LGSN: variants seen among roughly 807,000 people sequenced by gnomAD.
LGSN encodes the protein lengsin.
LGSN carries 21 observed loss-of-function variants against 19.5 expected under a neutral mutation model. The observed-to-expected ratio is 1.07, with a 90% CI of 0.76 to 1.55. The LOEUF is 1.55. LGSN is among the 40% of genes most tolerant of loss of function. LGSN has a pLI of 0.00. For missense variants in LGSN, 673 were observed against 608.5 expected, an observed-to-expected ratio of 1.11 and a Z score of -1.12; for synonymous variants, 257 against 215.6, an observed-to-expected ratio of 1.19 and a Z score of -1.68.
chr6:63,547,074 T>C, the LGSN span, among the ~76,000 whole-genome samples: 1 of 152,326 alleles, frequency 6.6e-6, no homozygotes, highest in Middle Eastern at 3.4e-3. Context: ...TATTTGAGCA[T>C]TCTCCTTTCA....
At chr6:63,474,527 T>A in the LGSN span, among the ~76,000 whole-genome samples, 1 of 149,000 alleles carries the variant, frequency 6.7e-6, no homozygotes, top group Non-Finnish European at 1.5e-5. Flanking sequence ...GAGAATGGCA[T>A]GAACCTGGGA....
chr6:63,398,463 A>G, the LGSN span, among the ~76,000 whole-genome samples: 1 of 152,064 alleles, frequency 6.6e-6, no homozygotes. Flanking sequence ...TAAAAAATAC[A>G]TGTAAAAATA....
intron 1 of LGSN, among the ~76,000 whole-genome samples, chr6:63,311,700 A>G (rs1768634543): frequency 6.6e-6 from 1 of 152,224 alleles, no homozygotes; most frequent in African/African-American, 2.4e-5. Flanking sequence ...ATAACAAATT[A>G]GCATGAATTT....
chr6:63,482,826 G>A, the LGSN span, among the ~76,000 whole-genome samples: 5 of 152,172 alleles, frequency 3.3e-5, no homozygotes, highest in South Asian at 2.1e-4. Flanking sequence ...TTAGCCTTCC[G>A]AATAGCTGGG....
At chr6:63,329,575 T>A in the LGSN span, among the ~76,000 whole-genome samples, 1 of 152,206 alleles carries the variant, frequency 6.6e-6, no homozygotes, top group South Asian at 2.1e-4. Flanking sequence ...CTTCAGACCT[T>A]AAGGGATATT....
At chr6:63,423,802 C>T in the LGSN span, among the ~76,000 whole-genome samples, 1 of 152,086 alleles carries the variant, frequency 6.6e-6, no homozygotes, top group African/African-American at 2.4e-5. Context: ...CTTTGGGGGG[C>T]CGAGTCAGGC....
At chr6:63,501,357 C>T in the LGSN span, among the ~76,000 whole-genome samples, 2 of 116,186 alleles carry the variant, frequency 1.7e-5, no homozygotes, top group South Asian at 2.7e-4. Flanking sequence ...AACAAAACTT[C>T]GTCTCAAAAA....
intron 1 of LGSN, among the ~76,000 whole-genome samples, chr6:63,317,839 CTG>C (rs1023763820): frequency 1.3e-5 from 2 of 152,180 alleles, no homozygotes; most frequent in African/African-American, 4.8e-5. Context: ...AACGTCAGAA[CTG>C]TGTCTACCTG....
chr6:63,312,840 T>C (rs1768684971), intron 1 of LGSN, among the ~76,000 whole-genome samples: 1 of 152,090 alleles, frequency 6.6e-6, no homozygotes, highest in Non-Finnish European at 1.5e-5. Flanking sequence ...TAGCTGGATA[T>C]AGGAAGTGTC....
the LGSN span, among the ~76,000 whole-genome samples, chr6:63,420,982 C>T: frequency 6.6e-6 from 1 of 151,780 alleles, no homozygotes; most frequent in Non-Finnish European, 1.5e-5. Flanking sequence ...TTAAAAAATA[C>T]AGTATTTGAA....
the LGSN span, among the ~76,000 whole-genome samples, chr6:63,415,784 T>C: frequency 3.3e-5 from 5 of 152,226 alleles, no homozygotes; most frequent in Admixed American, 6.5e-5. Flanking sequence ...CTTCATGAAG[T>C]TCTAAATTGT....
chr6:63,412,444 A>C, the LGSN span, among the ~76,000 whole-genome samples: 9 of 132,076 alleles, frequency 6.8e-5, no homozygotes, highest in Admixed American at 3.0e-4. Context: ...GAAAGAAAGC[A>C]AGAAAGAAAG....
the LGSN span, among the ~76,000 whole-genome samples, chr6:63,552,853 G>A: frequency 2.6e-3 from 389 of 152,198 alleles, 2 homozygotes; most frequent in African/African-American, 8.9e-3. Context: ...GTAGATGTGT[G>A]GTATTATTTC....
the LGSN span, among the ~76,000 whole-genome samples, chr6:63,410,821 A>C: frequency 6.6e-6 from 1 of 152,148 alleles, no homozygotes; most frequent in Non-Finnish European, 1.5e-5. Context: ...TAGCACAGAA[A>C]AAGCTCATGA....
the LGSN span, among the ~76,000 whole-genome samples, chr6:63,356,462 A>C: frequency 6.6e-6 from 1 of 152,140 alleles, no homozygotes; most frequent in Non-Finnish European, 1.5e-5. Flanking sequence ...GAATCGCTTG[A>C]ACCTGAGAGG....
chr6:63,437,483 G>T, the LGSN span, among the ~76,000 whole-genome samples: 4 of 151,992 alleles, frequency 2.6e-5, no homozygotes, highest in African/African-American at 9.7e-5. Flanking sequence ...CCACTGTGCC[G>T]GCCTTAATAA....
chr6:63,402,074 C>G, the LGSN span, among the ~76,000 whole-genome samples: 4 of 152,112 alleles, frequency 2.6e-5, no homozygotes, highest in African/African-American at 4.8e-5. Context: ...TGAAAAAATA[C>G]TATGAGAGTG....
chr6:63,462,840 C>G, the LGSN span, among the ~76,000 whole-genome samples: 1 of 152,188 alleles, frequency 6.6e-6, no homozygotes, highest in South Asian at 2.1e-4. Flanking sequence ...TAGGATAAAC[C>G]GGAACAGAAT....
chr6:63,371,426 A>T, the LGSN span, among the ~76,000 whole-genome samples: 1 of 152,248 alleles, frequency 6.6e-6, no homozygotes, highest in Admixed American at 6.5e-5. Context: ...CAGAACAATT[A>T]GAAGTTTCCA....
Sources: allele counts gnomAD v4.1 joint callset (sites outside exome capture counted in the v4.1 genomes callset), GRCh38; gene constraint gnomAD v4.1.1; transcripts MANE v1.5; gene names NCBI Gene and HGNC (gene_info 2026-07-23, HGNC 2026-07-21).